The following MYO18B variants were observed in gnomAD, a reference collection of about 807,000 sequenced individuals.
MYO18B encodes the protein myosin XVIIIB, also known as unconventional myosin-XVIIIb.
MYO18B carries 204 observed loss-of-function variants against 273.0 expected under a neutral mutation model. The ratio of observed to expected loss-of-function variants is 0.75; its 90% CI spans 0.67 to 0.84. The LOEUF (loss-of-function observed/expected upper bound fraction) is 0.84, where lower values mean the gene tolerates loss of function less well. Ranked by LOEUF, MYO18B falls within the 40% of genes least tolerant of loss-of-function variation. The pLI is 0.00. For missense variants in MYO18B, 3,212 were observed against 3,287.6 expected (o/e 0.98, Z 0.56); for synonymous variants, 1,330 against 1,305.7 (o/e 1.02, Z -0.40).
At chr22:25,874,262 A>G in intron 22 of MYO18B, 24 bp from the exon 23 acceptor site, 1 of 1,613,318 alleles carries the variant, frequency 6.2e-7, no homozygotes. Flanking sequence ...CAGAGGACTC[A>G]CCTGAAACCT....
chr22:25,789,902 C>T (rs1445601924), intron 11 of MYO18B, among the ~76,000 whole-genome samples: 1 of 152,184 alleles, frequency 6.6e-6, no homozygotes, highest in African/African-American at 2.4e-5. Flanking sequence ...CCTGTAATCC[C>T]AGCACTTTGG....
chr22:25,803,492 AC>A lies in MYO18B; in HGVS notation c.2521+5396del, dbSNP rs1382470293. On this transcript the variant is annotated intron_variant, in intron 12 of 43. Coordinates refer to ENST00000335473, the MANE Select transcript of MYO18B (RefSeq NM_032608.7). ...GAATGTATGCCCCAAACTGGCTTGC[AC>A]AACAGGTAAAATTAGGCCCATTTTG... 1.1e-4 allele frequency among the ~76,000 whole-genome samples: 17 copies of A among 152,028 alleles called. 1 individual carries two copies. The highest frequency in any genetic ancestry group is 1.0e-3 in the Admixed American group (16 of 15,262).
intron 1 of MYO18B, among the ~76,000 whole-genome samples, chr22:25,753,228 G>A (rs927655603): frequency 2.0e-5 from 3 of 147,920 alleles, no homozygotes; most frequent in Non-Finnish European, 4.5e-5. Context: ...CCGGTCGGCA[G>A]GGGCGGGTGT....
chr22:25,793,910 A>G (rs973207189), intron 11 of MYO18B, among the ~76,000 whole-genome samples: 1 of 152,060 alleles, frequency 6.6e-6, no homozygotes, highest in African/African-American at 2.4e-5. Context: ...CTCGATGTTT[A>G]TATTCTCTCT....
intron 39 of MYO18B, among the ~76,000 whole-genome samples, chr22:25,978,164 A>T (rs1474414160): frequency 6.6e-6 from 1 of 152,214 alleles, no homozygotes; most frequent in African/African-American, 2.4e-5. Context: ...TTCCTATCTG[A>T]TGGGATATCT....
intron 39 of MYO18B, among the ~76,000 whole-genome samples, chr22:25,987,364 G>A (rs905081706): frequency 2.0e-5 from 3 of 152,162 alleles, no homozygotes; most frequent in Admixed American, 6.5e-5. Context: ...TAGCCCGGGG[G>A]TTTAACAAGA....
Position 25,845,022 on chromosome 22 carries a change from C to T in MYO18B, c.3369-1078C>T, listed in dbSNP as rs146673978. ...TGGGGACAGGAAGATGTTCAGATTC[C>T]GTTTTTCCCTCTTTTAAGCTACATG... On this transcript the variant is annotated intron_variant, in intron 18 of 43. Transcript: ENST00000335473. 4.3e-4 allele frequency among the ~76,000 whole-genome samples: 65 copies of T among 152,174 alleles called. 1 individual carries two copies. Among genetic ancestry groups the T allele is most frequent in the African/African-American group, 1.4e-3 (57 of 41,570 alleles).
chr22:25,839,822 G>GTGCTGGCTTC (rs2090028499), intron 17 of MYO18B, among the ~76,000 whole-genome samples: 1 of 152,200 alleles, frequency 6.6e-6, no homozygotes. Flanking sequence ...CCAGAGCCCT[G>GTGCTGGCTTC]AGCTGGCTTC....
chr22:26,027,026 GC>G lies in MYO18B; in HGVS notation c.7053del (p.Cys2351TrpfsTer5). On this transcript the variant is annotated frameshift_variant, in exon 43 of 44. Transcript: ENST00000335473. LOFTEE classifies it low-confidence loss of function (END_TRUNC). This position sits in a 1 kb window ranked among gnomAD's most constrained non-coding sequence, Gnocchi z 4.1. ...PEKSKTQFSS[C>X]ESLLESRPSM... is the part of the protein sequence containing the mutation. Reference sequence around the variant, plus strand: ...AAGTCGAAAACCCAATTCAGTTCCTGCGAGTCCCTCTTAGAATCCAGACCGA... The same window carrying G: ...AAGTCGAAAACCCAATTCAGTTCCTGGAGTCCCTCTTAGAATCCAGACCGA... The G allele has an allele frequency of 6.2e-7, 1 of 1,613,980 alleles. No individual in the cohort carries two copies. Among genetic ancestry groups the G allele is most frequent in the Non-Finnish European group, 8.5e-7 (1 of 1,179,908 alleles).
intron 39 of MYO18B, 148 bp from the exon 40 acceptor site, chr22:25,992,215 C>A: frequency 1.1e-6 from 1 of 895,978 alleles, no homozygotes; most frequent in Non-Finnish European, 1.7e-6. Context: ...AATCTGTCCG[C>A]AGAGAGAGCC....
chr22:25,767,973 T>G (rs924365821), intron 3 of MYO18B, 142 bp from the exon 4 acceptor site: 1 of 798,536 alleles, frequency 1.3e-6, no homozygotes, highest in Admixed American at 2.8e-5. Flanking sequence ...TGGCCATGCC[T>G]GTTGGATTTG....
chr22:25,768,461 C>A lies in MYO18B; in HGVS notation c.545C>A (p.Pro182His). 2 of 1,523,778 alleles carry A rather than the reference C, an allele frequency of 1.3e-6. No individual in the cohort carries two copies. Among genetic ancestry groups the A allele is most frequent in the Non-Finnish European group, 1.8e-6 (2 of 1,100,648 alleles). The allele number at this position is 1,523,778 out of a possible 1,614,324, so 94.4% of individuals were successfully genotyped here. The change falls in exon 4 of 44, where the codon CCC (proline) becomes CAC (histidine). Residue 182 changes from proline to histidine, a missense_variant. By Grantham distance (77) the Pro-to-His change is moderately conservative. Coordinates refer to ENST00000335473, the MANE Select transcript of MYO18B (RefSeq NM_032608.7). ...GACGCCCCCCCTTGCAAGACCTCTC[C>A]CCCCGCCACAGATACTGGAAAGGAA... is the stretch of plus-strand genomic sequence containing the variant. ...PHDAPPCKTS[P>H]PATDTGKEKK...
rs753216698 is a variant in MYO18B, at chr22:26,026,722, C to G, written c.6748C>G (p.Leu2250Val). The change falls in exon 43 of 44, where the codon CTC becomes GTC. Residue 2250 changes from leucine to valine, a missense_variant. By Grantham distance (32) the Leu-to-Val change is conservative (BLOSUM62 1). Coordinates refer to ENST00000335473, the MANE Select transcript of MYO18B (RefSeq NM_032608.7). ...AAAGCTGCCCAGTCCTTCAGCGGCC[C>G]TCTCGGAGTTCGTGGAAGGGCTCCG... Reference protein sequence around the residue: ...REKLPSPSAALSEFVEGLRRK... With the variant: ...REKLPSPSAAVSEFVEGLRRK... 6.8e-6 allele frequency: 11 copies of G among 1,613,754 alleles called. No individual in the cohort carries two copies. Among genetic ancestry groups the G allele is most frequent in the African/African-American group, 1.3e-5 (1 of 75,028 alleles).
At chr22:25,799,523 A>T (rs554089024) in intron 12 of MYO18B, among the ~76,000 whole-genome samples, 1 of 152,314 alleles carries the variant, frequency 6.6e-6, no homozygotes, top group Admixed American at 6.5e-5. Context: ...CCCAGAGCAT[A>T]GAACTGGAAG....
chr22:25,852,662 C>T (rs530728473), intron 21 of MYO18B, among the ~76,000 whole-genome samples: 10 of 152,312 alleles, frequency 6.6e-5, no homozygotes, highest in South Asian at 2.1e-4. Context: ...GAGAACACCA[C>T]GTTTCTTAAG....
downstream of MYO18B, among the ~76,000 whole-genome samples, chr22:26,035,703 T>G (rs1936765125): frequency 6.6e-6 from 1 of 152,140 alleles, no homozygotes; most frequent in African/African-American, 2.4e-5. Context: ...GTATTGGAGG[T>G]GACGTCAGCC....
intron 39 of MYO18B, among the ~76,000 whole-genome samples, chr22:25,974,728 A>T (rs750326148): frequency 6.6e-6 from 1 of 152,220 alleles, no homozygotes; most frequent in East Asian, 1.9e-4. Context: ...TGGAACATAA[A>T]ACTGAAAGGG....
chr22:25,914,716 A>G (rs1233923543), intron 33 of MYO18B, among the ~76,000 whole-genome samples: 1 of 1,756 alleles, frequency 5.7e-4, no homozygotes, highest in Admixed American at 3.3e-3. Flanking sequence ...TTTTTTTTTG[A>G]GATGGAGTCT....
chr22:25,877,878 G>C (rs1314363590), intron 24 of MYO18B, 81 bp from the exon 25 acceptor site: 15 of 1,089,624 alleles, frequency 1.4e-5, no homozygotes, highest in Non-Finnish European at 8.1e-6. Flanking sequence ...CGGAAACTTT[G>C]TGCCGTTTGC....
Sources: allele counts gnomAD v4.1 joint callset (sites outside exome capture counted in the v4.1 genomes callset), GRCh38; gene constraint gnomAD v4.1.1; non-coding constraint Gnocchi (gnomAD v3.1); transcripts MANE v1.5; gene names NCBI Gene and HGNC (gene_info 2026-07-23, HGNC 2026-07-21).